The following NEBL variants were observed in gnomAD, a reference collection of about 807,000 sequenced individuals.
The protein encoded by NEBL is nebulette.
In NEBL, 122 loss-of-function variants were observed where a neutral mutation model predicts 140.2. The ratio of observed to expected loss-of-function variants is 0.87; its 90% CI spans 0.75 to 1.01. The LOEUF (loss-of-function observed/expected upper bound fraction) is 1.01. NEBL is among the 50% of genes least tolerant of loss of function. The pLI, the probability that NEBL is intolerant of heterozygous loss-of-function variation, is 0.00. For missense variants in NEBL, 1,365 were observed against 1,231.3 expected (o/e 1.11, Z -1.62); for synonymous variants, 436 against 398.9 (o/e 1.09, Z -1.11).
chr10:20,823,571 T>C (rs1180869019), intron 18 of NEBL, among the ~76,000 whole-genome samples: 1 of 152,120 alleles, frequency 6.6e-6, no homozygotes, highest in African/African-American at 2.4e-5. Context: ...ATAAATTTTA[T>C]CATTAGGCAG....
chr10:20,919,681 A>G (rs1438179745), intron 4 of NEBL, among the ~76,000 whole-genome samples: 1 of 152,226 alleles, frequency 6.6e-6, no homozygotes, highest in East Asian at 1.9e-4. Flanking sequence ...ACCAAGATAA[A>G]TTCCAAATGA....
At chr10:20,891,592 G>A (rs546689224) in intron 2 of NEBL, among the ~76,000 whole-genome samples, 45 of 152,276 alleles carry the variant, frequency 3.0e-4, no homozygotes, top group African/African-American at 9.1e-4. Context: ...GACACATGCA[G>A]AACGTTCAGG....
chr10:21,228,347 G>T (rs535512865), intron 3 of NEBL, among the ~76,000 whole-genome samples: 1 of 151,970 alleles, frequency 6.6e-6, no homozygotes, highest in Non-Finnish European at 1.5e-5. Context: ...TAGAAATGGG[G>T]TCTCACTTTT....
chr10:20,929,079 C>T (rs1375395780), intron 4 of NEBL, among the ~76,000 whole-genome samples: 1 of 152,046 alleles, frequency 6.6e-6, no homozygotes, highest in East Asian at 1.9e-4. Flanking sequence ...AACCTCCATA[C>T]CTACCATTTT....
chr10:20,942,448 T>C (rs1834923252), intron 4 of NEBL, among the ~76,000 whole-genome samples: 1 of 152,114 alleles, frequency 6.6e-6, no homozygotes, highest in African/African-American at 2.4e-5. Context: ...TCAAGATGGA[T>C]TAAAGACTTA....
rs535573262 is a variant in NEBL, at chr10:21,233,177, C to T, written n.348+14744G>A. Among the ~76,000 whole-genome samples, 20 of 152,296 alleles carry T rather than the reference C, an allele frequency of 1.3e-4. No individual in the cohort carries two copies. In the East Asian group the frequency reaches 3.9e-3, roughly 29 times the overall value. On this transcript the variant is annotated intron_variant and non_coding_transcript_variant, in intron 3 of 8. Coordinates refer to the NEBL transcript ENST00000675702. ...TCCCAAGCTCCAGCAATTCCCACCT[C>T]AGCCTTCTGTGTAGCTGGGACTACA...
At chr10:21,194,584 C>T (rs546411681) in intron 3 of NEBL, among the ~76,000 whole-genome samples, 1 of 152,048 alleles carries the variant, frequency 6.6e-6, no homozygotes, top group South Asian at 2.1e-4. Flanking sequence ...GGGAAGGGCA[C>T]CTTTTTCTAA....
intron 2 of NEBL, among the ~76,000 whole-genome samples, chr10:21,073,491 C>T (rs1368271508): frequency 6.6e-6 from 1 of 151,598 alleles, no homozygotes; most frequent in Non-Finnish European, 1.5e-5. Flanking sequence ...GTGGCACGCA[C>T]TTGTAATCCG....
At chr10:20,938,737 C>A (rs181358497) in intron 4 of NEBL, among the ~76,000 whole-genome samples, 236 of 152,244 alleles carry the variant, frequency 1.6e-3, no homozygotes, top group Admixed American at 5.2e-3. Context: ...GCAAAGAAGT[C>A]CTCAAAGGAC....
chr10:21,286,342 C>G (rs906796882), intron 1 of NEBL, among the ~76,000 whole-genome samples: 5 of 152,212 alleles, frequency 3.3e-5, no homozygotes, highest in Admixed American at 6.5e-5. Context: ...TGGAAAATTA[C>G]TAACATTCTC....
chr10:20,836,133 G>A (rs182519730), intron 13 of NEBL, among the ~76,000 whole-genome samples: 64 of 151,258 alleles, frequency 4.2e-4, no homozygotes, highest in African/African-American at 1.5e-3. Context: ...CAAGCCTATC[G>A]GTGCTATTTT....
chr10:20,815,898 A>G, intron 21 of NEBL, 181 bp from the exon 22 acceptor site: 1 of 595,748 alleles, frequency 1.7e-6, no homozygotes, highest in Non-Finnish European at 3.0e-6. Context: ...CCTCCCAGGT[A>G]GCTGGGATTA....
At position 20,850,409 on chromosome 10, in the gene NEBL, T is replaced by C; in HGVS notation, c.1102A>G (p.Lys368Glu). 6.2e-7 allele frequency: 1 copy of C among 1,606,458 alleles called. No homozygotes were observed. Among genetic ancestry groups the C allele is most frequent in the Non-Finnish European group, 8.5e-7 (1 of 1,173,040 alleles). Reference protein sequence around the residue: ...PSYQASKEAQKMQSEKVYKED... With the variant: ...PSYQASKEAQEMQSEKVYKED... The stretch of plus-strand genomic sequence containing the variant: ...AATTGACCTACTTCACTTTGCATCT[T>C]TTGAGCCTCCTTTGAAGCTTGATAT... The change falls in exon 11 of 28, where the codon AAG becomes GAG. Residue 368 changes from lysine to glutamate, a missense_variant. Lys to Glu is a moderately conservative substitution (Grantham distance 56, BLOSUM62 1). Coordinates refer to ENST00000377122, the MANE Select transcript of NEBL (RefSeq NM_006393.3).
chr10:20,828,649 A>C lies in NEBL; in HGVS notation c.1672-15T>G. The C allele has an allele frequency of 1.3e-6, 2 of 1,487,566 alleles. No homozygotes were observed. Among genetic ancestry groups the C allele is most frequent in the Non-Finnish European group, 1.9e-6 (2 of 1,067,926 alleles). The allele number at this position is 1,487,566 out of a possible 1,614,324, so 92.1% of individuals were successfully genotyped here. A position where few individuals can be genotyped will look rare whatever the true frequency, so the allele number is the denominator to read the frequency against. On this transcript the variant is annotated splice_polypyrimidine_tract_variant and intron_variant, in intron 16 of 27. Transcript: ENST00000377122. Reference sequence around the variant, plus strand: ...TTATACTTTCTCTAAAAACATAAACAGTTAATATAAATCTGAAACTATGTG... The same window carrying C: ...TTATACTTTCTCTAAAAACATAAACCGTTAATATAAATCTGAAACTATGTG...
rs1350418444 is a variant in NEBL at position 20,781,230 on chromosome 10, T to G, written c.*4517A>C. On this transcript the variant is annotated 3_prime_UTR_variant, in exon 28 of 28. Coordinates refer to ENST00000377122, the MANE Select transcript of NEBL (RefSeq NM_006393.3). The stretch of plus-strand genomic sequence containing the variant: ...CAAAAGCCAAATTATATTAGTAACA[T>G]TGTAACATTCCGTGAAGCCCCTTCA... The G allele has an allele frequency of 6.6e-6, 1 of 152,652 alleles. No individual in the cohort carries two copies. Among genetic ancestry groups the G allele is most frequent in the Non-Finnish European group, 1.5e-5 (1 of 68,044 alleles). The allele number at this position is 152,652 out of a possible 1,614,324, so 9.5% of individuals were successfully genotyped here. A position where few individuals can be genotyped will look rare whatever the true frequency, so the allele number is the denominator to read the frequency against.
chr10:21,054,804 G>A (rs1000148796), intron 2 of NEBL, among the ~76,000 whole-genome samples: 18 of 151,920 alleles, frequency 1.2e-4, no homozygotes, highest in African/African-American at 4.1e-4. Flanking sequence ...GCACTTACTC[G>A]GAGGCATACA....
chr10:20,867,766 T>C (rs1844444790), intron 7 of NEBL: 1 of 152,086 alleles, frequency 6.6e-6, no homozygotes, highest in Admixed American at 6.6e-5. Context: ...GTCAGCACCA[T>C]TTATTAGCTA....
chr10:21,128,672 A>G (rs1020730537), intron 2 of NEBL, among the ~76,000 whole-genome samples: 6 of 152,224 alleles, frequency 3.9e-5, no homozygotes, highest in Non-Finnish European at 7.3e-5. Flanking sequence ...AAAAAAAAGG[A>G]AGACCAACAA....
At chr10:21,093,694 G>A (rs1427544635) in intron 2 of NEBL, among the ~76,000 whole-genome samples, 1 of 152,254 alleles carries the variant, frequency 6.6e-6, no homozygotes, top group African/African-American at 2.4e-5. Context: ...TGTATCCACA[G>A]ATCTCTGTCT....
Sources: gnomAD v4.1 joint callset for allele counts (sites outside exome capture counted in the v4.1 genomes callset) on GRCh38, gnomAD v4.1.1 for gene constraint, MANE v1.5 for transcripts, NCBI Gene and HGNC (gene_info 2026-07-23, HGNC 2026-07-21) for gene names.